The following GATAD2A variants were observed in gnomAD, a reference collection of about 807,000 sequenced individuals.
GATAD2A encodes the protein transcriptional repressor p66-alpha.
In GATAD2A, 12 loss-of-function variants were observed where a neutral mutation model predicts 68.5. The ratio of observed to expected loss-of-function variants is 0.18; its 90% CI spans 0.11 to 0.28. The LOEUF (loss-of-function observed/expected upper bound fraction) is 0.28. Ranked by LOEUF, GATAD2A falls within the 10% of genes least tolerant of loss-of-function variation. GATAD2A has a pLI of 1.00. For missense variants in GATAD2A, 755 were observed against 868.5 expected (o/e 0.87, Z 1.64); for synonymous variants, 410 against 375.3 (o/e 1.09, Z -1.07).
intron 1 of GATAD2A, among the ~76,000 whole-genome samples, chr19:19,434,125 C>T (rs1459324714): frequency 6.6e-6 from 1 of 152,116 alleles, no homozygotes; most frequent in Non-Finnish European, 1.5e-5. Context: ...TTAAGTATTT[C>T]ACCTTTTTTG....
Position 19,492,581 on chromosome 19 carries a change from A to G in GATAD2A, c.403A>G (p.Lys135Glu). 6.2e-7 allele frequency: 1 copy of G among 1,614,208 alleles called. No individual in the cohort carries two copies. The highest frequency in any genetic ancestry group is 8.5e-7 in the Non-Finnish European group (1 of 1,180,016). Residue 135 changes from lysine (K) to glutamate (E), a missense_variant and splice_region_variant, in exon 4 of 12, where the codon AAA becomes GAA. Lys to Glu is a moderately conservative substitution (Grantham distance 56). Coordinates refer to ENST00000683918, the MANE Select transcript of GATAD2A (RefSeq NM_001384528.1). ...LKETSTEALMKSSPEERERMI... is the reference protein window; with the variant it reads ...LKETSTEALMESSPEERERMI... ...AACCCTGTTCCTCTCGCCCCTGCAGAAAAGCAGTCCTGAAGAACGAGAAAG... is the reference window on the plus strand; with the variant it reads ...AACCCTGTTCCTCTCGCCCCTGCAGGAAAGCAGTCCTGAAGAACGAGAAAG...
At chr19:19,431,323 C>G (rs1430344930) in intron 1 of GATAD2A, among the ~76,000 whole-genome samples, 2 of 150,902 alleles carry the variant, frequency 1.3e-5, no homozygotes, top group African/African-American at 4.9e-5. Flanking sequence ...GATTGTATTG[C>G]AGGGCTCCTG....
At chr19:19,462,841 C>G (rs1050071446) in intron 1 of GATAD2A, among the ~76,000 whole-genome samples, 1 of 152,146 alleles carries the variant, frequency 6.6e-6, no homozygotes, top group South Asian at 2.1e-4. Context: ...GGAGCAGCTT[C>G]GAGAACTCAT....
At chr19:19,422,804 C>T (rs910708660) in intron 1 of GATAD2A, among the ~76,000 whole-genome samples, 2 of 151,706 alleles carry the variant, frequency 1.3e-5, no homozygotes, top group South Asian at 2.1e-4. Context: ...CTCCGCCTCC[C>T]GGGTTCATGC....
intron 1 of GATAD2A, among the ~76,000 whole-genome samples, chr19:19,410,949 C>T (rs1748193874): frequency 1.3e-5 from 2 of 152,342 alleles, no homozygotes; most frequent in Middle Eastern, 3.4e-3. Context: ...GTGTGTTCCA[C>T]ATGTTGCAGT....
At chr19:19,490,350 C>G (rs1192697339) in intron 2 of GATAD2A, among the ~76,000 whole-genome samples, 1 of 152,138 alleles carries the variant, frequency 6.6e-6, no homozygotes, top group South Asian at 2.1e-4. Context: ...TGTGTCTACC[C>G]TTCCCTGAGG....
chr19:19,479,145 T>A (rs2058880461), intron 2 of GATAD2A, among the ~76,000 whole-genome samples: 1 of 152,228 alleles, frequency 6.6e-6, no homozygotes, highest in Non-Finnish European at 1.5e-5. Flanking sequence ...TAGTCTCTAC[T>A]GGTGAGTTGG....
At chr19:19,475,292 C>G (rs1257447815) in intron 2 of GATAD2A, among the ~76,000 whole-genome samples, 2 of 152,230 alleles carry the variant, frequency 1.3e-5, no homozygotes, top group Non-Finnish European at 2.9e-5. Flanking sequence ...GGTTTGTGGC[C>G]CTCACACTGG....
intron 5 of GATAD2A, 127 bp downstream of exon 5, chr19:19,494,510 G>T (rs1476563805): frequency 4.9e-6 from 3 of 607,314 alleles, no homozygotes; most frequent in Non-Finnish European, 8.9e-6. Context: ...TTCTGAGTAG[G>T]CTGGAGTGAG....
chr19:19,415,341 A>G (rs1057396158), intron 1 of GATAD2A, among the ~76,000 whole-genome samples: 6 of 151,304 alleles, frequency 4.0e-5, no homozygotes. Flanking sequence ...TAGTAGAGAC[A>G]GGGTTTCTTC....
chr19:19,499,072 ACAGG>A (rs2060344636), intron 8 of GATAD2A, among the ~76,000 whole-genome samples: 1 of 152,238 alleles, frequency 6.6e-6, no homozygotes, highest in East Asian at 1.9e-4. Flanking sequence ...GTTGTGACAC[ACAGG>A]CAGAACCTTC....
chr19:19,419,204 G>C (rs573470255), intron 1 of GATAD2A, among the ~76,000 whole-genome samples: 2 of 152,354 alleles, frequency 1.3e-5, no homozygotes, highest in East Asian at 3.9e-4. Flanking sequence ...GCTTGCTCCT[G>C]TGGTGCCCTA....
intron 1 of GATAD2A, among the ~76,000 whole-genome samples, chr19:19,439,630 T>G (rs1470600076): frequency 6.6e-6 from 1 of 152,032 alleles, no homozygotes; most frequent in East Asian, 1.9e-4. Flanking sequence ...GGTGGGTCAT[T>G]TGAGGTTAGG....
chr19:19,467,032 C>T (rs1203140931), intron 2 of GATAD2A, among the ~76,000 whole-genome samples: 1 of 152,118 alleles, frequency 6.6e-6, no homozygotes, highest in Admixed American at 6.5e-5. Flanking sequence ...CACCATGTTC[C>T]CCTGCAGGGT....
chr19:19,500,463 G>T (rs937561336), intron 8 of GATAD2A, among the ~76,000 whole-genome samples: 3 of 151,886 alleles, frequency 2.0e-5, no homozygotes, highest in Non-Finnish European at 1.5e-5. Context: ...CACAAAAAAG[G>T]TCGGCACAAA....
chr19:19,451,553 G>A (rs138048010), intron 1 of GATAD2A, among the ~76,000 whole-genome samples: 8 of 152,354 alleles, frequency 5.3e-5, no homozygotes, highest in African/African-American at 1.9e-4. Flanking sequence ...AGGTTGCAGT[G>A]CCAGTGAGTT....
At chr19:19,500,763 T>C (rs1007979495) in intron 8 of GATAD2A, among the ~76,000 whole-genome samples, 6 of 152,258 alleles carry the variant, frequency 3.9e-5, no homozygotes, top group Non-Finnish European at 8.8e-5. Context: ...TTCCCCGTCC[T>C]AAGAATGAAC....
At chr19:19,501,816 G>T (rs16996119) in intron 9 of GATAD2A, among the ~76,000 whole-genome samples, 153 bp from the exon 10 acceptor site, 11,530 of 152,242 alleles carry the variant, frequency 0.076, 1,499 homozygotes, top group African/African-American at 0.26. Context: ...TTTCTTGGAA[G>T]TTCTTTGCAA....
At chr19:19,490,808 C>T (rs774170984) in intron 2 of GATAD2A, among the ~76,000 whole-genome samples, 3 of 152,108 alleles carry the variant, frequency 2.0e-5, no homozygotes, top group Admixed American at 6.5e-5. Context: ...TCACCTGAAC[C>T]GGGGAGGTGG....
Sources: allele counts gnomAD v4.1 joint callset (sites outside exome capture counted in the v4.1 genomes callset), GRCh38; gene constraint gnomAD v4.1.1; transcripts MANE v1.5; gene names NCBI Gene and HGNC (gene_info 2026-07-23, HGNC 2026-07-21).